MS4A2: variants seen among roughly 807,000 people sequenced by gnomAD.
MS4A2 encodes high affinity immunoglobulin epsilon receptor subunit beta.
Under a neutral mutation model 27.9 loss-of-function variants are expected in MS4A2, and 26 were observed. The ratio of observed to expected loss-of-function variants is 0.93; its 90% CI spans 0.68 to 1.29. The LOEUF (loss-of-function observed/expected upper bound fraction) is 1.29, where lower values mean the gene tolerates loss of function less well. Ranked by LOEUF, MS4A2 falls within the 50% of genes most tolerant of loss-of-function variation. The pLI, the probability that MS4A2 is intolerant of heterozygous loss-of-function variation, is 0.00. For synonymous variants in MS4A2, 110 were observed against 98.8 expected, an observed-to-expected ratio of 1.11 and a Z score of -0.67; for missense variants, 284 against 284.6, an observed-to-expected ratio of 1.00 and a Z score of 0.01.
At chr11:60,090,193 TG>T in intron 2 of MS4A2, 142 bp from the exon 3 acceptor site, 1 of 867,642 alleles carries the variant, frequency 1.2e-6, no homozygotes, top group Non-Finnish European at 1.8e-6. Flanking sequence ...TAGGGTATCC[TG>T]GAAAATCTTA....
At chr11:60,091,407 G>A (rs1047889970) in intron 3 of MS4A2, among the ~76,000 whole-genome samples, 8 of 152,106 alleles carry the variant, frequency 5.3e-5, no homozygotes, top group Admixed American at 1.3e-4. Flanking sequence ...TATTTCAGAT[G>A]TACAATTTGC....
At chr11:60,093,018 T>C (rs150595447) in intron 4 of MS4A2, among the ~76,000 whole-genome samples, 170 bp downstream of exon 4, 1 of 152,360 alleles carries the variant, frequency 6.6e-6, no homozygotes, top group African/African-American at 2.4e-5. Flanking sequence ...AGAAGTTGGA[T>C]ATAATCATTA....
Position 60,089,780 on chromosome 11 carries a change from A to C in MS4A2, c.145A>C (p.Thr49Pro). Residue 49 changes from threonine to proline, a missense_variant, in exon 2 of 7, where the codon ACA becomes CCA. Coordinates refer to ENST00000278888, the MANE Select transcript of MS4A2 (RefSeq NM_000139.5). ...LKSASSPPLH[T>P]WLTVLKKEQE... Reference sequence around the variant, plus strand: ...GTCGGCCTCATCCCCACCACTGCATACATGGCTGACAGTTTTGAAAAAAGA... The same window carrying C: ...GTCGGCCTCATCCCCACCACTGCATCCATGGCTGACAGTTTTGAAAAAAGA... 6.2e-7 allele frequency: 1 copy of C among 1,614,162 alleles called. No individual in the cohort carries two copies. The highest frequency in any genetic ancestry group is 8.5e-7 in the Non-Finnish European group (1 of 1,180,014).
intron 3 of MS4A2, among the ~76,000 whole-genome samples, chr11:60,091,989 A>G (rs1855767384): frequency 6.6e-6 from 1 of 152,184 alleles, no homozygotes; most frequent in Non-Finnish European, 1.5e-5. Flanking sequence ...ACATTTTCAT[A>G]ATTACTCTAT....
intron 6 of MS4A2, 110 bp from the exon 7 acceptor site, chr11:60,095,448 A>G: frequency 1.4e-6 from 1 of 739,932 alleles, no homozygotes; most frequent in South Asian, 1.5e-5. Flanking sequence ...TTAATGACAG[A>G]GAGCGTGAGA....
chr11:60,094,972 GC>G (rs1240911148), intron 6 of MS4A2, among the ~76,000 whole-genome samples: 1 of 152,106 alleles, frequency 6.6e-6, no homozygotes, highest in Non-Finnish European at 1.5e-5. Context: ...CCGAGATCAT[GC>G]CACTGCACCA....
In MS4A2 at chr11:60,093,802, T is replaced by TTGTGTGTGTGTG. The variant is rs60162275; in HGVS notation, c.538-138_538-127dup. On this transcript the variant is annotated intron_variant, in intron 5 of 6. Transcript: ENST00000278888. ...TCTCTGGGTTTTTCTGTGCCTGTGT[T>TTGTGTGTGTGTG]TGTGTGTGTGTGTGTGTGTGTGTGT... The TTGTGTGTGTGTG allele has an allele frequency of 7.2e-3, 4,581 of 639,588 alleles. 57 individuals are homozygous for TTGTGTGTGTGTG. Among genetic ancestry groups the TTGTGTGTGTGTG allele is most frequent in the East Asian group, 0.057 (2,011 of 35,006 alleles). 39.6% of individuals were successfully genotyped at this position (639,588 alleles called of 1,614,324 possible).
Position 60,089,676 on chromosome 11 carries a change from C to CT in MS4A2, c.57-12dup. 6.2e-7 allele frequency: 1 copy of CT among 1,614,052 alleles called. No homozygotes were observed. Among genetic ancestry groups the CT allele is most frequent in the Non-Finnish European group, 8.5e-7 (1 of 1,179,936 alleles). ...ACAGAATGTTCTCATGACTGAATTG[C>CT]TTTTAAATTTCACAGTGTGCCTGCA... On this transcript the variant is annotated splice_polypyrimidine_tract_variant and intron_variant, in intron 1 of 6. Transcript: ENST00000278888.
Position 60,088,689 on chromosome 11 carries a change from G to A in MS4A2, c.-77G>A. On this transcript the variant is annotated 5_prime_UTR_variant, in exon 1 of 7. Transcript: ENST00000278888. Reference sequence around the variant, plus strand: ...AACCCATTTCAACTGCCTATTCAGAGCATGCAGTAAGAGGAAATCCACCAA... The same window carrying A: ...AACCCATTTCAACTGCCTATTCAGAACATGCAGTAAGAGGAAATCCACCAA... The A allele has an allele frequency of 1.3e-6, 2 of 1,562,098 alleles. No homozygotes were observed. The highest frequency in any genetic ancestry group is 1.9e-5 in the Admixed American group (1 of 53,864).
At position 60,097,001 on chromosome 11, in the gene MS4A2, G is replaced by A. The variant is rs1855881686; in HGVS notation, c.*1345G>A. 6.6e-6 allele frequency: 1 copy of A among 152,034 alleles called. No individual in the cohort carries two copies. The allele number at this position is 152,034 out of a possible 1,614,324, so 9.4% of individuals were successfully genotyped here. ...TAGGCTTTGATTTTGGGGAGACAAAGGGAAATGCAGCCATAGAGGGCCTGA... is the reference window on the plus strand; with the variant it reads ...TAGGCTTTGATTTTGGGGAGACAAAAGGAAATGCAGCCATAGAGGGCCTGA... On this transcript the variant is annotated 3_prime_UTR_variant, in exon 7 of 7. Coordinates refer to ENST00000278888, the MANE Select transcript of MS4A2 (RefSeq NM_000139.5).
At chr11:60,094,424 A>T (rs932938558) in intron 6 of MS4A2, among the ~76,000 whole-genome samples, 1 of 152,134 alleles carries the variant, frequency 6.6e-6, no homozygotes, top group Non-Finnish European at 1.5e-5. Context: ...TTTCTGTTTT[A>T]TTCCTTTGTT....
chr11:60,090,603 A>G (rs1855742751), intron 3 of MS4A2, 133 bp downstream of exon 3: 2 of 803,962 alleles, frequency 2.5e-6, no homozygotes, highest in Non-Finnish European at 3.8e-6. Context: ...ATATGTGAGC[A>G]TATATAACAT....
intron 3 of MS4A2, 125 bp downstream of exon 3, chr11:60,090,595 A>G (rs1158135353): frequency 1.2e-6 from 1 of 854,742 alleles, no homozygotes; most frequent in African/African-American, 1.7e-5. Flanking sequence ...TATAAATTAT[A>G]TGTGAGCATA....
Position 60,095,998 on chromosome 11 carries a change from C to A in MS4A2, c.*342C>A, listed in dbSNP as rs1590635234. The A allele has an allele frequency of 7.5e-6, 2 of 267,482 alleles. No homozygotes were observed. The highest frequency in any genetic ancestry group is 1.4e-5 in the Non-Finnish European group (2 of 140,430). 16.6% of individuals were successfully genotyped at this position (267,482 alleles called of 1,614,324 possible). ...GGCTGAAAGTTGAGTTAAACTTTGACAGTTTGATAATATTTGGTTCTTAGG... is the reference window on the plus strand; with the variant it reads ...GGCTGAAAGTTGAGTTAAACTTTGAAAGTTTGATAATATTTGGTTCTTAGG... On this transcript the variant is annotated 3_prime_UTR_variant, in exon 7 of 7. Transcript: ENST00000278888.
rs775972700 is a variant in MS4A2, at chr11:60,094,047, A to C, written c.621A>C (p.Glu207Asp). 4 of 1,612,930 alleles carry C rather than the reference A, an allele frequency of 2.5e-6. No homozygotes were observed. The African/African-American group carries it at 4.0e-5, about 16-fold the overall frequency. The change falls in exon 6 of 7, where the codon GAA (glutamate) becomes GAC (aspartate). Residue 207 changes from glutamate to aspartate, a missense_variant. Glu to Asp is a conservative substitution (Grantham distance 45, BLOSUM62 2). Coordinates refer to ENST00000278888, the MANE Select transcript of MS4A2 (RefSeq NM_000139.5). Reference sequence around the variant, plus strand: ...TCACAATCTGTGGAGCTGGGGAAGAACTCAAAGGAAACAAGGTAGATAGAA... The same window carrying C: ...TCACAATCTGTGGAGCTGGGGAAGACCTCAAAGGAAACAAGGTAGATAGAA... ...VSLTICGAGE[E>D]LKGNKVPEDR...
intron 6 of MS4A2, 94 bp downstream of exon 6, chr11:60,094,156 C>T (rs535558218): frequency 3.6e-6 from 3 of 842,292 alleles, no homozygotes. Context: ...TGAAACATTT[C>T]TTCCAGAAAA....
intron 5 of MS4A2, 98 bp downstream of exon 5, chr11:60,093,656 A>T: frequency 6.8e-7 from 1 of 1,472,742 alleles, no homozygotes; most frequent in Non-Finnish European, 9.5e-7. Context: ...CCTTTTCTGT[A>T]ACTTCTATTA....
intron 2 of MS4A2, among the ~76,000 whole-genome samples, 181 bp downstream of exon 2, chr11:60,090,002 A>C (rs1335927357): frequency 6.6e-6 from 1 of 152,234 alleles, no homozygotes; most frequent in Non-Finnish European, 1.5e-5. Flanking sequence ...TTTCCTCATA[A>C]AGACTTTAAA....
In MS4A2 at chr11:60,096,970, C is replaced by A. The variant is rs1248891451; in HGVS notation, c.*1314C>A. The A allele has an allele frequency of 6.7e-6, 1 of 150,188 alleles. No individual in the cohort carries two copies. The highest frequency in any genetic ancestry group is 1.5e-5 in the Non-Finnish European group (1 of 67,602). The allele number at this position is 150,188 out of a possible 1,614,324, so 9.3% of individuals were successfully genotyped here. ...AGTACAAATAGACCTAAATTAAGCT[C>A]ATTTTTAGGCTTTGATTTTGGGGAG... is the stretch of plus-strand genomic sequence containing the variant. On this transcript the variant is annotated 3_prime_UTR_variant, in exon 7 of 7. Transcript: ENST00000278888.
Sources: gnomAD v4.1 joint callset for allele counts (sites outside exome capture counted in the v4.1 genomes callset) on GRCh38, gnomAD v4.1.1 for gene constraint, MANE v1.5 for transcripts, NCBI Gene and HGNC (gene_info 2026-07-23, HGNC 2026-07-21) for gene names.